The following APBB2 variants were observed in gnomAD, a reference collection of about 807,000 sequenced individuals.
APBB2 encodes the protein Fe65-like 1.
In APBB2, 38 loss-of-function variants were observed where a neutral mutation model predicts 82.5. That is an observed-to-expected ratio of 0.46 (90% confidence interval 0.36 to 0.60). APBB2 has a LOEUF of 0.60. Ranked by LOEUF, APBB2 falls within the 20% of genes least tolerant of loss-of-function variation. The pLI is 0.00. For synonymous variants in APBB2, 341 were observed against 368.2 expected, an observed-to-expected ratio of 0.93 and a Z score of 0.85; for missense variants, 772 against 972.3, an observed-to-expected ratio of 0.79 and a Z score of 2.74.
Position 41,027,362 on chromosome 4 carries a change from T to TAC in APBB2, c.19+5872_19+5873dup, listed in dbSNP as rs1208622695. 5.0e-3 allele frequency among the ~76,000 whole-genome samples: 394 copies of TAC among 78,218 alleles called. 4 individuals carry two copies. The highest frequency in any genetic ancestry group is 0.014 in the African/African-American group (329 of 23,992). 51.3% of individuals were successfully genotyped at this position (78,218 alleles called of 152,430 possible). On this transcript the variant is annotated intron_variant, in intron 5 of 17. Coordinates refer to ENST00000508593, the MANE Select transcript of APBB2 (RefSeq NM_004307.2). ...TTTTATATTTTTATAAACATATTGTTACATATATATATATATATATATATA... is the reference window on the plus strand; with the variant it reads ...TTTTATATTTTTATAAACATATTGTTACACATATATATATATATATATATATA...
At chr4:40,937,074 A>C (rs1242586593) in intron 7 of APBB2, among the ~76,000 whole-genome samples, 3 of 152,226 alleles carry the variant, frequency 2.0e-5, no homozygotes, top group African/African-American at 7.2e-5. Flanking sequence ...TTTTTCAAAA[A>C]GAAAACAAGC....
intron 3 of APBB2, among the ~76,000 whole-genome samples, chr4:41,070,553 C>T (rs1238309221): frequency 6.6e-6 from 1 of 152,182 alleles, no homozygotes; most frequent in Non-Finnish European, 1.5e-5. Flanking sequence ...CCACCCGCCT[C>T]GGCCTCCCAA....
chr4:41,121,654 C>T (rs1441569414), intron 2 of APBB2, among the ~76,000 whole-genome samples: 1 of 152,164 alleles, frequency 6.6e-6, no homozygotes, highest in Non-Finnish European at 1.5e-5. Flanking sequence ...CTGTCTTGCC[C>T]ACTGGCTCCC....
intron 12 of APBB2, among the ~76,000 whole-genome samples, chr4:40,854,826 A>G (rs1229870786): frequency 6.6e-6 from 1 of 151,484 alleles, no homozygotes; most frequent in African/African-American, 2.4e-5. Context: ...AGAAAAAGAA[A>G]TTCATTTCCT....
chr4:41,041,301 C>A (rs1187211986), intron 4 of APBB2, among the ~76,000 whole-genome samples: 1 of 152,158 alleles, frequency 6.6e-6, no homozygotes, highest in African/African-American at 2.4e-5. Context: ...GTACAATACA[C>A]ACAGTTTCAG....
rs917240983 is a variant in APBB2 at position 41,011,517 on chromosome 4, G to A, written c.835+2066C>T. On this transcript the variant is annotated intron_variant, in intron 6 of 17. Transcript: ENST00000508593. ...GGGATCTTGGCTCACTGCAACTTCC[G>A]CCTCATAGGTTCAAGCAATTCTTGT... is the stretch of plus-strand genomic sequence containing the variant. Among the ~76,000 whole-genome samples, 28 of 152,016 alleles carry A rather than the reference G, an allele frequency of 1.8e-4. 1 individual carries two copies. The highest frequency in any genetic ancestry group is 2.9e-4 in the African/African-American group (12 of 41,402).
chr4:40,911,061 T>A (rs977051926), intron 10 of APBB2, among the ~76,000 whole-genome samples: 1 of 152,232 alleles, frequency 6.6e-6, no homozygotes, highest in African/African-American at 2.4e-5. Context: ...GACCTTCCCC[T>A]GTGTCTTGGC....
intron 12 of APBB2, among the ~76,000 whole-genome samples, chr4:40,854,395 G>A (rs1231896077): frequency 2.6e-5 from 4 of 152,182 alleles, no homozygotes; most frequent in African/African-American, 4.8e-5. Flanking sequence ...CCCATGAAAC[G>A]TATATGGAGA....
At chr4:41,209,808 G>T (rs36045152) in intron 1 of APBB2, among the ~76,000 whole-genome samples, 2 of 152,148 alleles carry the variant, frequency 1.3e-5, no homozygotes, top group Non-Finnish European at 2.9e-5. Flanking sequence ...AAAACTATAA[G>T]GGAAGTAGGA....
intron 1 of APBB2, among the ~76,000 whole-genome samples, chr4:41,188,464 T>A (rs1158559883): frequency 6.6e-6 from 1 of 152,100 alleles, no homozygotes; most frequent in Non-Finnish European, 1.5e-5. Flanking sequence ...ACAGCCCTCA[T>A]GGATGGGATT....
chr4:40,958,858 G>A (rs1303022391), intron 6 of APBB2, among the ~76,000 whole-genome samples: 3 of 152,118 alleles, frequency 2.0e-5, no homozygotes, highest in South Asian at 2.1e-4. Flanking sequence ...CTCCCGCCTC[G>A]GCCTTCCAAA....
intron 5 of APBB2, among the ~76,000 whole-genome samples, chr4:41,021,385 G>C (rs1441534130): frequency 6.6e-6 from 1 of 152,172 alleles, no homozygotes; most frequent in Non-Finnish European, 1.5e-5. Flanking sequence ...TGGGTCGAGT[G>C]GGGACTTGGA....
intron 6 of APBB2, among the ~76,000 whole-genome samples, chr4:40,997,619 C>A (rs78689406): frequency 6.6e-6 from 1 of 152,090 alleles, no homozygotes; most frequent in African/African-American, 2.4e-5. Context: ...AAGGGAACTT[C>A]GAGGAGTCTC....
intron 5 of APBB2, among the ~76,000 whole-genome samples, chr4:41,022,784 T>G (rs1712200057): frequency 6.6e-6 from 1 of 152,208 alleles, no homozygotes; most frequent in Non-Finnish European, 1.5e-5. Flanking sequence ...TCAAAAAATG[T>G]TGACATAAAA....
At chr4:40,884,210 A>G (rs1769543361) in intron 12 of APBB2, among the ~76,000 whole-genome samples, 1 of 152,216 alleles carries the variant, frequency 6.6e-6, no homozygotes, top group South Asian at 2.1e-4. Context: ...CACAAACTAC[A>G]TGGGTCACCT....
At chr4:40,845,003 G>T (rs1329718762) in intron 12 of APBB2, among the ~76,000 whole-genome samples, 1 of 152,166 alleles carries the variant, frequency 6.6e-6, no homozygotes. Context: ...TTTTAAATCA[G>T]ATCCACTGCT....
intron 6 of APBB2, among the ~76,000 whole-genome samples, chr4:40,947,770 T>C (rs1231808695): frequency 6.6e-6 from 1 of 152,208 alleles, no homozygotes; most frequent in African/African-American, 2.4e-5. Context: ...TTAAGCCTTG[T>C]GAGGGTAGGC....
At chr4:41,050,413 C>T (rs1174977653) in intron 4 of APBB2, among the ~76,000 whole-genome samples, 7 of 152,222 alleles carry the variant, frequency 4.6e-5, no homozygotes, top group Non-Finnish European at 1.0e-4. Context: ...AACTGGCACA[C>T]GCATGGACAT....
chr4:41,035,928 G>A (rs1047722971), intron 4 of APBB2, among the ~76,000 whole-genome samples: 16 of 152,196 alleles, frequency 1.1e-4, no homozygotes, highest in African/African-American at 3.1e-4. Flanking sequence ...GGAGACACAG[G>A]TGGGAGGACC....
Sources: allele counts gnomAD v4.1 joint callset (sites outside exome capture counted in the v4.1 genomes callset), GRCh38; gene constraint gnomAD v4.1.1; transcripts MANE v1.5; gene names NCBI Gene and HGNC (gene_info 2026-07-23, HGNC 2026-07-21).